Variants in WDPCP observed in about 807,000 individuals in gnomAD.
The protein encoded by WDPCP is WD repeat containing planar cell polarity effector, also known as WD repeat-containing and planar cell polarity effector protein fritz homolog.
Under a neutral mutation model 93.1 loss-of-function variants are expected in WDPCP, and 71 were observed. The observed-to-expected ratio is 0.76, with a 90% CI of 0.63 to 0.93. WDPCP has a LOEUF of 0.93. WDPCP is among the 40% of genes least tolerant of loss of function. The probability of loss-of-function intolerance (pLI) is 0.00; values close to 1 mark genes in which losing one functional copy is unlikely to be tolerated. For synonymous variants in WDPCP, 315 were observed against 315.0 expected (o/e 1.00, Z 0.00); for missense variants, 844 against 887.4 (o/e 0.95, Z 0.62).
intron 3 of WDPCP, chr2:63,595,332 G>A (rs1312529707): frequency 2.5e-6 from 2 of 806,488 alleles, no homozygotes; most frequent in African/African-American, 3.4e-5. Context: ...TTACATGCAT[G>A]TACATACCAA....
intron 2 of WDPCP, among the ~76,000 whole-genome samples, chr2:63,651,935 C>T (rs1476518114): frequency 6.6e-6 from 1 of 152,120 alleles, no homozygotes; most frequent in Non-Finnish European, 1.5e-5. Flanking sequence ...CTTATCTGGC[C>T]GTGTGTTCCT....
intron 15 of WDPCP, among the ~76,000 whole-genome samples, chr2:63,158,397 T>G (rs953597476): frequency 6.6e-6 from 1 of 152,212 alleles, no homozygotes; most frequent in African/African-American, 2.4e-5. Flanking sequence ...TATTATGACA[T>G]TCTCTTGTCA....
chr2:63,634,027 A>T (rs1419138379), intron 3 of WDPCP, among the ~76,000 whole-genome samples: 2 of 152,148 alleles, frequency 1.3e-5, no homozygotes, highest in Non-Finnish European at 2.9e-5. Context: ...ACACCACTGC[A>T]CTCCAGCAAC....
At chr2:63,252,441 G>T (rs1680809426) in intron 14 of WDPCP, among the ~76,000 whole-genome samples, 1 of 152,080 alleles carries the variant, frequency 6.6e-6, no homozygotes, top group Non-Finnish European at 1.5e-5. Context: ...AGAGAAATCA[G>T]GAGAAGAGAA....
At chr2:63,707,766 C>G (rs111527572) in intron 2 of WDPCP, among the ~76,000 whole-genome samples, 1 of 151,982 alleles carries the variant, frequency 6.6e-6, no homozygotes, top group Middle Eastern at 3.4e-3. Flanking sequence ...TTTTATCTAC[C>G]TTTGGTCTTT....
intron 2 of WDPCP, among the ~76,000 whole-genome samples, chr2:63,748,068 A>G (rs1669825121): frequency 6.6e-6 from 1 of 151,848 alleles, no homozygotes; most frequent in Non-Finnish European, 1.5e-5. Context: ...TCTAGCTGCT[A>G]TATAGAAATG....
chr2:63,148,126 G>T (rs1271029676), intron 17 of WDPCP, among the ~76,000 whole-genome samples: 1 of 152,146 alleles, frequency 6.6e-6, no homozygotes, highest in Non-Finnish European at 1.5e-5. Context: ...GGTATTATCA[G>T]TTTGAAGCCT....
chr2:63,620,112 G>A (rs1019353586), intron 3 of WDPCP, among the ~76,000 whole-genome samples: 1 of 152,172 alleles, frequency 6.6e-6, no homozygotes, highest in East Asian at 1.9e-4. Context: ...GGCAGACACC[G>A]AGCTAGCTGC....
At chr2:63,589,744 G>T (rs1370260674), upstream of WDPCP, among the ~76,000 whole-genome samples, 2 of 152,118 alleles carry the variant, frequency 1.3e-5, no homozygotes, top group African/African-American at 2.4e-5. Flanking sequence ...GGAAGACCTG[G>T]GTAACCTGCA....
Position 63,604,804 on chromosome 2 carries a change from C to G in WDPCP, n.488+45855G>C, listed in dbSNP as rs372478225. The G allele has an allele frequency of 1.5e-5, 25 of 1,614,006 alleles. No homozygotes were observed. In the South Asian group the frequency reaches 2.4e-4, roughly 16 times the overall value. On this transcript the variant is annotated intron_variant and non_coding_transcript_variant, in intron 3 of 4. Transcript: ENST00000467687. ...TGTCAACCATGCCAAGGTGAAATTGCAAGGAAAGGAAGTTGGTGTTTATGA... is the reference window on the plus strand; with the variant it reads ...TGTCAACCATGCCAAGGTGAAATTGGAAGGAAAGGAAGTTGGTGTTTATGA...
At chr2:63,177,294 T>C (rs970812699) in intron 14 of WDPCP, among the ~76,000 whole-genome samples, 1 of 152,216 alleles carries the variant, frequency 6.6e-6, no homozygotes, top group East Asian at 1.9e-4. Context: ...CCATTGGGAT[T>C]TTGATAGGGA....
intron 13 of WDPCP, among the ~76,000 whole-genome samples, chr2:63,273,463 A>G (rs529215085): frequency 6.6e-6 from 1 of 152,154 alleles, no homozygotes; most frequent in East Asian, 1.9e-4. Context: ...AAAACCAGAA[A>G]TAAGTCCTCA....
chr2:63,303,142 A>T (rs562081706), intron 13 of WDPCP, among the ~76,000 whole-genome samples: 1 of 152,208 alleles, frequency 6.6e-6, no homozygotes, highest in Admixed American at 6.5e-5. Context: ...GCTACCTCCA[A>T]TTTACAAGGC....
chr2:63,186,358 C>CCCA (rs57785985), intron 14 of WDPCP, among the ~76,000 whole-genome samples: 3,016 of 152,280 alleles, frequency 0.02, 112 homozygotes, highest in African/African-American at 0.069. Context: ...GGGGCCCTTC[C>CCCA]CCACCTCCAG....
At chr2:63,595,951 C>T (rs1343970176) in intron 3 of WDPCP, among the ~76,000 whole-genome samples, 1 of 152,126 alleles carries the variant, frequency 6.6e-6, no homozygotes, top group Non-Finnish European at 1.5e-5. Flanking sequence ...CTATACATTG[C>T]TCTGGAAGTT....
chr2:63,277,695 G>C (rs962936001), intron 13 of WDPCP, among the ~76,000 whole-genome samples: 1 of 152,118 alleles, frequency 6.6e-6, no homozygotes, highest in Admixed American at 6.5e-5. Flanking sequence ...TAGTCCAACA[G>C]GAAAATACCA....
intron 12 of WDPCP, among the ~76,000 whole-genome samples, chr2:63,336,384 A>G (rs1044683791): frequency 3.3e-5 from 5 of 152,200 alleles, no homozygotes; most frequent in Non-Finnish European, 7.3e-5. Flanking sequence ...TAGCAGTTCT[A>G]GAACAATATT....
the WDPCP span, among the ~76,000 whole-genome samples, chr2:63,834,096 T>C: frequency 2.0e-5 from 3 of 152,160 alleles, no homozygotes; most frequent in Admixed American, 1.3e-4. Context: ...CAAAGGTCTA[T>C]CTGTATTCTT....
chr2:63,315,605 A>C (rs1373682946), intron 12 of WDPCP, among the ~76,000 whole-genome samples: 2 of 152,212 alleles, frequency 1.3e-5, no homozygotes, highest in African/African-American at 4.8e-5. Context: ...TAAAGTAGGC[A>C]TATAAAATAA....
Sources: allele counts gnomAD v4.1 joint callset (sites outside exome capture counted in the v4.1 genomes callset), GRCh38; gene constraint gnomAD v4.1.1; transcripts MANE v1.5; gene names NCBI Gene and HGNC (gene_info 2026-07-23, HGNC 2026-07-21).